The following RNF220 variants were observed in gnomAD, a reference collection of about 807,000 sequenced individuals.
RNF220 encodes the protein E3 ubiquitin-protein ligase RNF220.
RNF220 carries 7 observed loss-of-function variants against 67.1 expected under a neutral mutation model. The observed-to-expected ratio is 0.10, with a 90% CI of 0.06 to 0.20. The LOEUF is 0.20. Ranked by LOEUF, RNF220 falls within the 10% of genes least tolerant of loss-of-function variation. The pLI, the probability that RNF220 is intolerant of heterozygous loss-of-function variation, is 1.00. For synonymous variants in RNF220, 270 were observed against 283.2 expected (o/e 0.95, Z 0.47); for missense variants, 565 against 740.3 (o/e 0.76, Z 2.75).
At chr1:44,523,248 A>G (rs1368676010) in intron 2 of RNF220, among the ~76,000 whole-genome samples, 2 of 152,198 alleles carry the variant, frequency 1.3e-5, no homozygotes, top group Non-Finnish European at 2.9e-5. Context: ...TCCTGCTTTA[A>G]TGGCTCGTGG....
chr1:44,650,510 T>A lies in RNF220; in HGVS notation c.1630-194T>A. ...CTGCTGCGGGGCTGGCCAGGCGGTT[T>A]GATCCTGGCGTCCCCCCAACACAGG... On this transcript the variant is annotated intron_variant, in intron 14 of 14. Coordinates refer to ENST00000361799, the MANE Select transcript of RNF220 (RefSeq NM_018150.4). The surrounding 1 kb of genome is among the most constrained non-coding windows in gnomAD (Gnocchi z 4.3). 3.3e-6 allele frequency: 2 copies of A among 609,478 alleles called. No individual in the cohort carries two copies. Among genetic ancestry groups the A allele is most frequent in the South Asian group, 3.8e-5 (2 of 52,820 alleles). The allele number at this position is 609,478 out of a possible 1,614,324, so 37.8% of individuals were successfully genotyped here.
chr1:44,407,684 G>C (rs1201621633), intron 1 of RNF220, among the ~76,000 whole-genome samples: 1 of 152,050 alleles, frequency 6.6e-6, no homozygotes, highest in Non-Finnish European at 1.5e-5. Context: ...GCCGCGGTGC[G>C]GGCCGCAGAA....
chr1:44,450,949 C>T (rs1284653223), intron 2 of RNF220, among the ~76,000 whole-genome samples: 4 of 152,014 alleles, frequency 2.6e-5, no homozygotes, highest in Admixed American at 6.6e-5. Flanking sequence ...TTTGGTAGGC[C>T]GAGGTGGGCG....
At chr1:44,455,440 G>A (rs752908844) in intron 2 of RNF220, among the ~76,000 whole-genome samples, 6 of 152,238 alleles carry the variant, frequency 3.9e-5, no homozygotes, top group Non-Finnish European at 8.8e-5. Context: ...GGAGCTAGCA[G>A]TGAGACTTTC....
chr1:44,428,769 GTGGGGTCTTTGACTTCCTC>G (rs1650051790), intron 2 of RNF220, among the ~76,000 whole-genome samples: 1 of 152,122 alleles, frequency 6.6e-6, no homozygotes, highest in Non-Finnish European at 1.5e-5. Context: ...CAAGGAGATT[GTGGGGTCTTTGACTTCCTC>G]TGCGTCTTAG....
Position 44,412,395 on chromosome 1 carries a change from G to T in RNF220, c.298G>T (p.Ala100Ser), listed in dbSNP as rs199604667. The change falls in exon 2 of 15, where the codon GCT (alanine) becomes TCT (serine). Residue 100 changes from alanine to serine, a missense_variant. Coordinates refer to ENST00000361799, the MANE Select transcript of RNF220 (RefSeq NM_018150.4). The surrounding 1 kb of genome is among the most constrained non-coding windows in gnomAD (Gnocchi z 5.3). ...PSLLHLHPQF[A>S]PPNLDCTPIS... is the part of the protein sequence containing the mutation. ...TCTACTACACCTCCACCCTCAATTT[G>T]CTCCCCCAAATCTAGATTGCACCCC... 136 of 1,613,344 alleles carry T rather than the reference G, an allele frequency of 8.4e-5. No homozygotes were observed. Among genetic ancestry groups the T allele is most frequent in the Non-Finnish European group, 5.1e-6 (6 of 1,179,660 alleles).
At chr1:44,635,970 A>G in intron 7 of RNF220, 60 bp from the exon 8 acceptor site, 1 of 1,612,120 alleles carries the variant, frequency 6.2e-7, no homozygotes, top group South Asian at 1.1e-5. Flanking sequence ...TTCGTTGCAG[A>G]CTGTGGGGAG....
intron 2 of RNF220, among the ~76,000 whole-genome samples, chr1:44,453,822 C>G (rs919493073): frequency 1.3e-5 from 2 of 152,004 alleles, no homozygotes; most frequent in South Asian, 2.1e-4. Context: ...GGTCTTAGGA[C>G]CCATTTGTCC....
At chr1:44,644,473 C>T in intron 8 of RNF220, 3 of 526,154 alleles carry the variant, frequency 5.7e-6, no homozygotes, top group Non-Finnish European at 1.0e-5. Flanking sequence ...GAGCAGAGAC[C>T]ACTTGGAGCA....
chr1:44,618,374 G>C (rs768386274), intron 3 of RNF220, among the ~76,000 whole-genome samples: 2 of 152,206 alleles, frequency 1.3e-5, no homozygotes, highest in Non-Finnish European at 2.9e-5. Context: ...CATTCCCACA[G>C]GTACATGGGT....
chr1:44,478,795 A>T (rs1391087726), intron 2 of RNF220, among the ~76,000 whole-genome samples: 1 of 152,110 alleles, frequency 6.6e-6, no homozygotes, highest in Non-Finnish European at 1.5e-5. Context: ...TACTGGGCAA[A>T]TGTTGACAGG....
chr1:44,497,338 G>GAC (rs10578430), intron 2 of RNF220, among the ~76,000 whole-genome samples: 89,761 of 147,850 alleles, frequency 0.61, 28,642 homozygotes, highest in Middle Eastern at 0.74. Flanking sequence ...CCCCTTCCCT[G>GAC]ACACACACAC....
intron 2 of RNF220, among the ~76,000 whole-genome samples, chr1:44,527,318 C>T (rs1660453111): frequency 6.6e-6 from 1 of 152,044 alleles, no homozygotes; most frequent in Non-Finnish European, 1.5e-5. Flanking sequence ...GACCTAGAGT[C>T]TTCCCTTTTT....
chr1:44,439,093 G>A (rs772539587), intron 2 of RNF220, among the ~76,000 whole-genome samples: 21 of 152,246 alleles, frequency 1.4e-4, no homozygotes, highest in Non-Finnish European at 2.2e-4. Flanking sequence ...TTTGTCAAGC[G>A]TCTGATCATT....
chr1:44,572,413 G>A (rs1664504561), intron 2 of RNF220, among the ~76,000 whole-genome samples: 1 of 152,136 alleles, frequency 6.6e-6, no homozygotes, highest in South Asian at 2.1e-4. Flanking sequence ...AGCCTCGATG[G>A]CACCCCGCCA....
intron 2 of RNF220, among the ~76,000 whole-genome samples, chr1:44,444,837 G>A (rs1572522823): frequency 6.6e-6 from 1 of 152,292 alleles, no homozygotes; most frequent in East Asian, 1.9e-4. Flanking sequence ...ACATTTTTAT[G>A]TGTATCCTGG....
chr1:44,631,088 C>G (rs11588956), intron 5 of RNF220, among the ~76,000 whole-genome samples: 62,379 of 152,074 alleles, frequency 0.41, 13,134 homozygotes, highest in African/African-American at 0.47. Context: ...CATGGAAGAA[C>G]AACTCAGGGC....
chr1:44,626,293 C>T lies in RNF220; in HGVS notation c.805-4C>T, dbSNP rs1643936134. 1.9e-6 allele frequency: 3 copies of T among 1,612,702 alleles called. No individual in the cohort carries two copies. Among genetic ancestry groups the T allele is most frequent in the African/African-American group, 1.3e-5 (1 of 74,994 alleles). On this transcript the variant is annotated splice_region_variant and splice_polypyrimidine_tract_variant and intron_variant, in intron 4 of 14. Coordinates refer to ENST00000361799, the MANE Select transcript of RNF220 (RefSeq NM_018150.4). The stretch of plus-strand genomic sequence containing the variant: ...GAGGCCACATGTCTTTTTTCTTCTT[C>T]CAGTCCCTCCTGTTGTCTGCTTCCA...
chr1:44,546,838 C>T (rs1393741195), intron 2 of RNF220, among the ~76,000 whole-genome samples: 2 of 152,228 alleles, frequency 1.3e-5, no homozygotes, highest in African/African-American at 2.4e-5. Context: ...CTCTCCAGCC[C>T]ACCTGCTATG....
Sources: allele counts gnomAD v4.1 joint callset (sites outside exome capture counted in the v4.1 genomes callset), GRCh38; gene constraint gnomAD v4.1.1; non-coding constraint Gnocchi (gnomAD v3.1); transcripts MANE v1.5; gene names NCBI Gene and HGNC (gene_info 2026-07-23, HGNC 2026-07-21).